The following CIT variants were observed in gnomAD, a reference collection of about 807,000 sequenced individuals.
CIT encodes the protein citron rho-interacting serine/threonine kinase, also known as citron Rho-interacting kinase.
Under a neutral mutation model 272.7 loss-of-function variants are expected in CIT, and 79 were observed. That is an observed-to-expected ratio of 0.29 (90% CI 0.24 to 0.35). The LOEUF is 0.35. Among genes scored for constraint, CIT ranks in the 10% least tolerant of loss-of-function variants. The pLI is 1.00. For missense variants in CIT, 1,909 were observed against 2,618.3 expected (o/e 0.73, Z 5.91); for synonymous variants, 948 against 995.6 (o/e 0.95, Z 0.90).
rs370055620 is a variant in CIT, at chr12:119,712,712, A to C, written c.4580-17T>G. On this transcript the variant is annotated splice_polypyrimidine_tract_variant and intron_variant, in intron 35 of 47. Coordinates refer to ENST00000392521, the MANE Select transcript of CIT (RefSeq NM_001206999.2). The surrounding 1 kb of genome is among the most constrained non-coding windows in gnomAD (Gnocchi z 5.2). ...TCTGTCCAGCTTGGTGCAAAGAGGA[A>C]GGGCAGAAAGAAAAACAAAAGAACA... is the stretch of plus-strand genomic sequence containing the variant. The C allele has an allele frequency of 6.2e-7, 1 of 1,602,232 alleles. No homozygotes were observed. Among genetic ancestry groups the C allele is most frequent in the African/African-American group, 1.3e-5 (1 of 74,688 alleles).
chr12:119,858,195 C>T (rs1463584902), intron 3 of CIT, among the ~76,000 whole-genome samples: 2 of 152,082 alleles, frequency 1.3e-5, no homozygotes, highest in African/African-American at 2.4e-5. Flanking sequence ...ATAAAGCCTT[C>T]GTAGATCTAA....
chr12:119,876,247 G>T, intron 1 of CIT, 66 bp from the exon 2 acceptor site: 1 of 984,838 alleles, frequency 1.0e-6, no homozygotes, highest in South Asian at 1.4e-5. Context: ...GAGAGATCCT[G>T]ATCTCCCTCA....
chr12:119,714,152 G>A (rs1184319892), intron 33 of CIT, 45 bp downstream of exon 33: 1 of 1,604,528 alleles, frequency 6.2e-7, no homozygotes, highest in Non-Finnish European at 8.5e-7. Context: ...TTTTAAGCTG[G>A]AGATGCACAG....
chr12:119,842,153 C>T (rs1457406046), intron 5 of CIT, among the ~76,000 whole-genome samples: 1 of 151,932 alleles, frequency 6.6e-6, no homozygotes, highest in Non-Finnish European at 1.5e-5. Flanking sequence ...CACTTTGGGA[C>T]GCCAAGGCAG....
Position 119,690,499 on chromosome 12 carries a change from C to T in CIT, c.5883-45G>A, listed in dbSNP as rs781563834. 5 of 1,502,674 alleles carry T rather than the reference C, an allele frequency of 3.3e-6. No individual in the cohort carries two copies. In the African/African-American group the frequency reaches 7.1e-5, roughly 21 times the overall value. 93.1% of individuals were successfully genotyped at this position (1,502,674 alleles called of 1,614,324 possible). ...GTAGGGAGCTGCGAGGCCACAACCC[C>T]AGAGGGGCATTTTCCTTCTTACCTG... On this transcript the variant is annotated intron_variant, in intron 46 of 47. Coordinates refer to ENST00000392521, the MANE Select transcript of CIT (RefSeq NM_001206999.2). The surrounding 1 kb of genome is among the most constrained non-coding windows in gnomAD (Gnocchi z 6.0).
intron 7 of CIT, among the ~76,000 whole-genome samples, chr12:119,826,824 T>C (rs1968204908): frequency 6.6e-6 from 1 of 152,206 alleles, no homozygotes; most frequent in East Asian, 1.9e-4. Context: ...GGCTGGGCTT[T>C]TCACCAAGGA....
intron 9 of CIT, among the ~76,000 whole-genome samples, chr12:119,811,285 C>CTAGACTAG (rs1225181514): frequency 2.0e-5 from 3 of 152,032 alleles, no homozygotes; most frequent in African/African-American, 7.2e-5. Flanking sequence ...GTCTGGGTAA[C>CTAGACTAG]AAAGCAAGAC....
rs565583351 is a variant in CIT, at chr12:119,688,103, G to A, written c.*129C>T. 764 of 991,058 alleles carry A rather than the reference G, an allele frequency of 7.7e-4. 14 individuals carry two copies. The East Asian group carries it at 0.018, about 23-fold the overall frequency. 61.4% of individuals were successfully genotyped at this position (991,058 alleles called of 1,614,324 possible). A position where few individuals can be genotyped will look rare whatever the true frequency, so the allele number is the denominator to read the frequency against. On this transcript the variant is annotated 3_prime_UTR_variant, in exon 48 of 48. Coordinates refer to ENST00000392521, the MANE Select transcript of CIT (RefSeq NM_001206999.2). ...AGACAGGGGTGTCCGTGCCGAGGTG[G>A]GTCTGGGCCCCGCTGAGCCAGAGGG... is the stretch of plus-strand genomic sequence containing the variant.
chr12:119,732,867 T>A (rs1958538300), intron 26 of CIT, among the ~76,000 whole-genome samples: 1 of 152,202 alleles, frequency 6.6e-6, no homozygotes, highest in African/African-American at 2.4e-5. Context: ...ATGGATCCGA[T>A]TCAGCTGTGC....
At chr12:119,838,649 GC>G in intron 5 of CIT, among the ~76,000 whole-genome samples, 1 of 152,170 alleles carries the variant, frequency 6.6e-6, no homozygotes, top group Non-Finnish European at 1.5e-5. Context: ...TAGCAGCAAT[GC>G]CCTTGATGAA....
At chr12:119,806,614 C>T (rs1966622457) in intron 9 of CIT, among the ~76,000 whole-genome samples, 2 of 148,020 alleles carry the variant, frequency 1.4e-5, no homozygotes, top group Admixed American at 1.4e-4. Flanking sequence ...AGGATTTTCT[C>T]CCCACCCCAC....
intron 5 of CIT, among the ~76,000 whole-genome samples, chr12:119,836,447 G>A (rs1969025251): frequency 6.6e-6 from 1 of 152,098 alleles, no homozygotes; most frequent in Admixed American, 6.6e-5. Context: ...GCTGCCTGTA[G>A]CTCACCCACT....
At chr12:119,828,676 C>T (rs558123942) in intron 7 of CIT, among the ~76,000 whole-genome samples, 5 of 152,090 alleles carry the variant, frequency 3.3e-5, no homozygotes, top group Non-Finnish European at 7.4e-5. Flanking sequence ...AATTCTCCTG[C>T]CTCAGCCTCC....
rs1235628053 is a variant in CIT, at chr12:119,712,310, G to C, written c.4722C>G (p.His1574Gln). 6.8e-6 allele frequency: 11 copies of C among 1,613,764 alleles called. No individual in the cohort carries two copies. The highest frequency in any genetic ancestry group is 1.7e-5 in the Admixed American group (1 of 59,940). Residue 1574 changes from histidine (H) to glutamine (Q), a missense_variant, in exon 37 of 48, where the codon CAC becomes CAG. Transcript: ENST00000392521. This position sits in a 1 kb window ranked among gnomAD's most constrained non-coding sequence, Gnocchi z 5.2. ...PYILKMESHP[H>Q]TTCWPGRTLY... is the part of the protein sequence containing the mutation. ...GGGTTCTCCCGGGCCAGCAGGTGGT[G>C]TGCGGGTGAGATTCCATCTTCAGTA...
intron 9 of CIT, among the ~76,000 whole-genome samples, chr12:119,808,362 T>G (rs1162309341): frequency 6.6e-6 from 1 of 152,224 alleles, no homozygotes; most frequent in Non-Finnish European, 1.5e-5. Context: ...CCTTATTTAA[T>G]GTTTAATATC....
At chr12:119,695,521 C>T (rs1956178589) in intron 46 of CIT, among the ~76,000 whole-genome samples, 1 of 152,082 alleles carries the variant, frequency 6.6e-6, no homozygotes, top group Non-Finnish European at 1.5e-5. Flanking sequence ...TAGGACCAGA[C>T]ACAGTGCTTC....
intron 13 of CIT, among the ~76,000 whole-genome samples, chr12:119,778,034 T>C (rs1963942420): frequency 6.6e-6 from 1 of 152,226 alleles, no homozygotes; most frequent in Non-Finnish European, 1.5e-5. Context: ...CATTAATTTT[T>C]CTGGGCTCAA....
chr12:119,742,350 C>T (rs2137318010), intron 24 of CIT, 61 bp downstream of exon 24: 1 of 1,251,218 alleles, frequency 8.0e-7, no homozygotes, highest in Non-Finnish European at 1.1e-6. Flanking sequence ...GAGACGTCCC[C>T]TTTTCCTCCT....
intron 44 of CIT, chr12:119,699,875 C>T (rs1416275775): frequency 8.8e-6 from 4 of 456,058 alleles, no homozygotes; most frequent in East Asian, 7.0e-5. Context: ...TGGGCCACGA[C>T]GGCATTTCAG....
Sources: gnomAD v4.1 joint callset for allele counts (sites outside exome capture counted in the v4.1 genomes callset) on GRCh38, gnomAD v4.1.1 for gene constraint, Gnocchi (gnomAD v3.1) non-coding constraint, MANE v1.5 for transcripts, NCBI Gene and HGNC (gene_info 2026-07-23, HGNC 2026-07-21) for gene names.